KHDRBS3: variants seen among roughly 807,000 people sequenced by gnomAD.
KHDRBS3 encodes KH domain-containing, RNA-binding, signal transduction-associated protein 3.
KHDRBS3 carries 23 observed loss-of-function variants against 45.6 expected under a neutral mutation model. That is an observed-to-expected ratio of 0.50 (90% CI 0.36 to 0.72). The LOEUF (loss-of-function observed/expected upper bound fraction) is 0.72, where lower values mean the gene tolerates loss of function less well. Among genes scored for constraint, KHDRBS3 ranks in the 30% least tolerant of loss-of-function variants. KHDRBS3 has a pLI of 0.00. For missense variants in KHDRBS3, 352 were observed against 424.8 expected (o/e 0.83, Z 1.51); for synonymous variants, 162 against 156.5 (o/e 1.04, Z -0.26).
At chr8:135,484,151 CAT>C (rs1302372629) in intron 1 of KHDRBS3, among the ~76,000 whole-genome samples, 1 of 152,188 alleles carries the variant, frequency 6.6e-6, no homozygotes, top group Non-Finnish European at 1.5e-5. Flanking sequence ...AATATGCTAA[CAT>C]ATGTAAAGCA....
chr8:135,526,462 A>G (rs974230096), intron 2 of KHDRBS3, among the ~76,000 whole-genome samples: 2 of 152,176 alleles, frequency 1.3e-5, no homozygotes, highest in Admixed American at 6.5e-5. Context: ...CTGAAAAACA[A>G]TATTTCTGCT....
chr8:135,483,996 T>G (rs184528809), intron 1 of KHDRBS3, among the ~76,000 whole-genome samples: 115 of 152,238 alleles, frequency 7.6e-4, no homozygotes, highest in African/African-American at 2.4e-3. Flanking sequence ...ACCGCTTAGG[T>G]TTGGGTCTGT....
chr8:135,520,792 T>C (rs1787458122), intron 1 of KHDRBS3, among the ~76,000 whole-genome samples: 1 of 152,172 alleles, frequency 6.6e-6, no homozygotes, highest in East Asian at 1.9e-4. Context: ...TGGAAGGTTG[T>C]CTAGGGTGTT....
intron 1 of KHDRBS3, among the ~76,000 whole-genome samples, chr8:135,511,649 G>C (rs1421420461): frequency 1.3e-5 from 2 of 152,044 alleles, no homozygotes; most frequent in Admixed American, 1.3e-4. Context: ...CCCGCCTCCT[G>C]GGTTCACGCC....
chr8:135,500,929 G>T (rs573100267), intron 1 of KHDRBS3, among the ~76,000 whole-genome samples: 2 of 152,272 alleles, frequency 1.3e-5, no homozygotes, highest in South Asian at 2.1e-4. Flanking sequence ...TCTCACTAAA[G>T]GATGTGGTGA....
At chr8:135,516,634 C>T (rs1437610714) in intron 1 of KHDRBS3, among the ~76,000 whole-genome samples, 2 of 151,032 alleles carry the variant, frequency 1.3e-5, no homozygotes, top group African/African-American at 4.9e-5. Context: ...CTTTGACTAT[C>T]AGAACATGAA....
intron 1 of KHDRBS3, among the ~76,000 whole-genome samples, chr8:135,507,933 A>G (rs1409979827): frequency 6.6e-6 from 1 of 152,210 alleles, no homozygotes; most frequent in Non-Finnish European, 1.5e-5. Context: ...TTTTGCTTTT[A>G]AAAAGTGTTT....
intron 6 of KHDRBS3, among the ~76,000 whole-genome samples, chr8:135,586,302 A>G (rs1274018319): frequency 1.4e-5 from 2 of 138,644 alleles, no homozygotes; most frequent in South Asian, 2.5e-4. Context: ...TCTGTCTTGA[A>G]AAACCAGTGC....
At chr8:135,627,777 A>G (rs867570771) in intron 7 of KHDRBS3, among the ~76,000 whole-genome samples, 49 of 152,180 alleles carry the variant, frequency 3.2e-4, no homozygotes, top group African/African-American at 1.2e-3. Flanking sequence ...CCTATCAGTT[A>G]TCTTACCTCT....
At chr8:135,532,374 C>T (rs1246224906) in intron 2 of KHDRBS3, among the ~76,000 whole-genome samples, 1 of 152,106 alleles carries the variant, frequency 6.6e-6, no homozygotes, top group East Asian at 1.9e-4. Flanking sequence ...TGTCCTTGGG[C>T]AGGAAATAGG....
chr8:135,502,378 T>C (rs1421282571), intron 1 of KHDRBS3, among the ~76,000 whole-genome samples: 2 of 152,222 alleles, frequency 1.3e-5, no homozygotes, highest in African/African-American at 4.8e-5. Context: ...TTGCCAATGC[T>C]GTTCCCTATG....
intron 1 of KHDRBS3, among the ~76,000 whole-genome samples, chr8:135,495,847 C>T (rs1823411927): frequency 6.6e-6 from 1 of 152,036 alleles, no homozygotes; most frequent in Non-Finnish European, 1.5e-5. Context: ...ATCTTGGCCT[C>T]TCTGGAGGTA....
At chr8:135,547,521 T>C (rs1457916953) in intron 3 of KHDRBS3, among the ~76,000 whole-genome samples, 1 of 152,226 alleles carries the variant, frequency 6.6e-6, no homozygotes, top group Non-Finnish European at 1.5e-5. Context: ...GATGAAATTA[T>C]AGGTGACTAA....
intron 1 of KHDRBS3, among the ~76,000 whole-genome samples, chr8:135,519,895 C>G (rs1824820255): frequency 6.6e-6 from 1 of 152,162 alleles, no homozygotes; most frequent in Non-Finnish European, 1.5e-5. Flanking sequence ...GACAGAAGCC[C>G]CAGGCCCAAA....
intron 1 of KHDRBS3, among the ~76,000 whole-genome samples, chr8:135,504,846 C>T (rs1823909641): frequency 6.6e-6 from 1 of 152,126 alleles, no homozygotes; most frequent in Non-Finnish European, 1.5e-5. Context: ...ATGCTAATGT[C>T]ATTACATAGA....
At chr8:135,492,104 A>G (rs1288547405) in intron 1 of KHDRBS3, among the ~76,000 whole-genome samples, 2 of 152,158 alleles carry the variant, frequency 1.3e-5, no homozygotes, top group Admixed American at 6.5e-5. Flanking sequence ...ATAGTACTAG[A>G]TAGTTGTCTC....
intron 7 of KHDRBS3, among the ~76,000 whole-genome samples, chr8:135,620,696 G>A (rs191175238): frequency 4.9e-4 from 74 of 152,276 alleles, no homozygotes; most frequent in African/African-American, 1.6e-3. Context: ...CAGATTGCTT[G>A]CAACAGAGCT....
chr8:135,628,966 T>G (rs1830484015), intron 7 of KHDRBS3, among the ~76,000 whole-genome samples: 1 of 152,190 alleles, frequency 6.6e-6, no homozygotes, highest in Admixed American at 6.5e-5. Flanking sequence ...AGATAATCAT[T>G]TCTCTCAGAT....
At chr8:135,587,115 C>A (rs950484341) in intron 6 of KHDRBS3, among the ~76,000 whole-genome samples, 3 of 152,138 alleles carry the variant, frequency 2.0e-5, no homozygotes, top group Non-Finnish European at 4.4e-5. Context: ...CTTGACAATT[C>A]TCAGGTATTT....
Sources: gnomAD v4.1 joint callset for allele counts (sites outside exome capture counted in the v4.1 genomes callset) on GRCh38, gnomAD v4.1.1 for gene constraint, MANE v1.5 for transcripts, NCBI Gene and HGNC (gene_info 2026-07-23, HGNC 2026-07-21) for gene names.